Variants in BRINP3 observed in about 807,000 individuals in gnomAD.
The protein encoded by BRINP3 is BMP/retinoic acid-inducible neural-specific protein 3.
In BRINP3, 19 loss-of-function variants were observed where a neutral mutation model predicts 71.0. That is an observed-to-expected ratio of 0.27 (90% CI 0.19 to 0.39). The LOEUF (loss-of-function observed/expected upper bound fraction) is 0.39. Ranked by LOEUF, BRINP3 falls within the 10% of genes least tolerant of loss-of-function variation. The pLI is 1.00. For missense variants in BRINP3, 959 were observed against 940.8 expected, an observed-to-expected ratio of 1.02 and a Z score of -0.25; for synonymous variants, 380 against 337.7, an observed-to-expected ratio of 1.13 and a Z score of -1.37.
chr1:190,447,005 T>C (rs953499676), intron 2 of BRINP3, among the ~76,000 whole-genome samples: 3 of 151,922 alleles, frequency 2.0e-5, no homozygotes, highest in African/African-American at 7.2e-5. Context: ...ATGAAAAAGT[T>C]CTGTCTTCCA....
At position 190,283,801 on chromosome 1, in the gene BRINP3, T is replaced by C. The variant is rs564920654; in HGVS notation, c.237-2051A>G. 2.6e-5 allele frequency among the ~76,000 whole-genome samples: 4 copies of C among 151,620 alleles called. No individual in the cohort carries two copies. In the East Asian group the frequency reaches 7.7e-4, roughly 29 times the overall value. ...TATTTTTATACCATGATCAAAATAA[T>C]AGTTGCTCATTAATTCCAAAATTTA... is the stretch of plus-strand genomic sequence containing the variant. On this transcript the variant is annotated intron_variant, in intron 2 of 7. Transcript: ENST00000367462.
chr1:190,324,661 C>T (rs1365436204), intron 2 of BRINP3, among the ~76,000 whole-genome samples: 1 of 151,606 alleles, frequency 6.6e-6, no homozygotes, highest in African/African-American at 2.4e-5. Context: ...ATTACTGCTA[C>T]TAAGAATCAA....
At chr1:190,109,119 T>C (rs1280488883) in intron 7 of BRINP3, among the ~76,000 whole-genome samples, 1 of 152,188 alleles carries the variant, frequency 6.6e-6, no homozygotes, top group Non-Finnish European at 1.5e-5. Flanking sequence ...TTATGTTATC[T>C]TTATTTCTGT....
At chr1:190,305,112 A>G (rs1367631184) in intron 2 of BRINP3, among the ~76,000 whole-genome samples, 1 of 151,988 alleles carries the variant, frequency 6.6e-6, no homozygotes, top group Non-Finnish European at 1.5e-5. Flanking sequence ...TAAAAAAATA[A>G]AAAGTGTAAG....
At chr1:190,148,484 T>G (rs1196734416) in intron 7 of BRINP3, among the ~76,000 whole-genome samples, 1 of 151,626 alleles carries the variant, frequency 6.6e-6, no homozygotes, top group South Asian at 2.1e-4. Context: ...TAGTCCCAGC[T>G]ACTAGAGAGG....
At chr1:190,250,932 C>G (rs1660078154) in intron 4 of BRINP3, among the ~76,000 whole-genome samples, 1 of 151,794 alleles carries the variant, frequency 6.6e-6, no homozygotes. Context: ...GGAGTATACC[C>G]TTAACTTGGC....
intron 3 of BRINP3, among the ~76,000 whole-genome samples, chr1:190,270,873 T>G (rs181504906): frequency 6.6e-6 from 1 of 151,662 alleles, no homozygotes; most frequent in Admixed American, 6.6e-5. Context: ...TCAACCCTCA[T>G]GCATTCAATG....
intron 7 of BRINP3, among the ~76,000 whole-genome samples, chr1:190,154,413 G>A (rs1371572418): frequency 1.3e-5 from 2 of 152,066 alleles, no homozygotes; most frequent in East Asian, 3.9e-4. Context: ...GGGAAAAGAG[G>A]GCAAGATCCT....
At chr1:190,164,709 T>C (rs1651328970) in intron 6 of BRINP3, among the ~76,000 whole-genome samples, 1 of 151,936 alleles carries the variant, frequency 6.6e-6, no homozygotes. Context: ...TCCGGCCTCG[T>C]CCACTCCAGC....
At chr1:190,394,314 T>C (rs965726201) in intron 2 of BRINP3, among the ~76,000 whole-genome samples, 1 of 151,574 alleles carries the variant, frequency 6.6e-6, no homozygotes, top group Admixed American at 6.6e-5. Flanking sequence ...TATAATTCCC[T>C]TTTTTAATAA....
In BRINP3 at chr1:190,184,665, C is replaced by T. The variant is rs535589211; in HGVS notation, c.962-23775G>A. Among the ~76,000 whole-genome samples, 32 of 152,138 alleles carry T rather than the reference C, an allele frequency of 2.1e-4. No homozygotes were observed. The East Asian group carries it at 4.8e-3, about 23-fold the overall frequency. Reference sequence around the variant, plus strand: ...AATACTTTGTCTTCTCACGTATAGACGTATAGTGTGAGCTAAACTTTGGGC... The same window carrying T: ...AATACTTTGTCTTCTCACGTATAGATGTATAGTGTGAGCTAAACTTTGGGC... On this transcript the variant is annotated intron_variant, in intron 6 of 7. Transcript: ENST00000367462.
intron 5 of BRINP3, among the ~76,000 whole-genome samples, chr1:190,228,057 G>A (rs1389226531): frequency 1.3e-5 from 2 of 151,844 alleles, no homozygotes; most frequent in Admixed American, 1.3e-4. Flanking sequence ...GGTAATAGAG[G>A]AATAGTGAGA....
At chr1:190,146,052 G>T (rs1400094061) in intron 7 of BRINP3, among the ~76,000 whole-genome samples, 1 of 152,098 alleles carries the variant, frequency 6.6e-6, no homozygotes, top group East Asian at 1.9e-4. Context: ...GGGACTTGGA[G>T]GGAAAGTTAA....
At chr1:190,454,573 T>A (rs1675860493) in intron 2 of BRINP3, 82 bp downstream of exon 2, 2 of 1,152,526 alleles carry the variant, frequency 1.7e-6, no homozygotes, top group Non-Finnish European at 2.5e-6. Flanking sequence ...TTTTCCCGTC[T>A]GAAACTTTCC....
At chr1:190,200,103 T>C (rs575558556) in intron 6 of BRINP3, among the ~76,000 whole-genome samples, 67 of 152,256 alleles carry the variant, frequency 4.4e-4, no homozygotes, top group African/African-American at 1.5e-3. Flanking sequence ...CCAAGCTTTG[T>C]TTCCCTTCTT....
chr1:190,201,496 C>A (rs913411139), intron 6 of BRINP3, among the ~76,000 whole-genome samples: 2 of 152,144 alleles, frequency 1.3e-5, no homozygotes, highest in Non-Finnish European at 2.9e-5. Context: ...GCATAATTTG[C>A]ATAAGTAACA....
intron 6 of BRINP3, among the ~76,000 whole-genome samples, chr1:190,195,599 A>G (rs1037501337): frequency 6.6e-6 from 1 of 151,992 alleles, no homozygotes; most frequent in East Asian, 1.9e-4. Flanking sequence ...ACGTATGAAG[A>G]ATTCCTTTTC....
At chr1:190,232,631 A>G (rs549198908) in intron 5 of BRINP3, among the ~76,000 whole-genome samples, 4 of 151,766 alleles carry the variant, frequency 2.6e-5, no homozygotes, top group African/African-American at 9.7e-5. Flanking sequence ...ATTATACAAA[A>G]GAGAAATGTT....
chr1:190,160,613 G>T, intron 7 of BRINP3, 55 bp downstream of exon 7: 5 of 1,460,328 alleles, frequency 3.4e-6, no homozygotes, highest in Non-Finnish European at 4.7e-6. Flanking sequence ...AAAATAAATA[G>T]AACTCACTTT....
Sources: gnomAD v4.1 joint callset for allele counts (sites outside exome capture counted in the v4.1 genomes callset) on GRCh38, gnomAD v4.1.1 for gene constraint, MANE v1.5 for transcripts, NCBI Gene and HGNC (gene_info 2026-07-23, HGNC 2026-07-21) for gene names.